Variants in MRTO4 observed in about 807,000 individuals in gnomAD.
MRTO4 encodes the protein mRNA turnover protein 4 homolog.
MRTO4 carries 7 observed loss-of-function variants against 28.6 expected under a neutral mutation model. That is an observed-to-expected ratio of 0.24 (90% CI 0.14 to 0.46). The LOEUF (loss-of-function observed/expected upper bound fraction) is 0.46. MRTO4 is among the 20% of genes least tolerant of loss of function. The pLI, the probability that MRTO4 is intolerant of heterozygous loss-of-function variation, is 0.99. For missense variants in MRTO4, 302 were observed against 298.3 expected (o/e 1.01, Z -0.09); for synonymous variants, 113 against 108.2 (o/e 1.04, Z -0.27).
At chr1:19,256,966 C>T in intron 3 of MRTO4, 98 bp from the exon 4 acceptor site, 1 of 1,184,914 alleles carries the variant, frequency 8.4e-7, no homozygotes, top group Non-Finnish European at 1.2e-6. Flanking sequence ...TCAGCCTGGG[C>T]CTGAGCTCAC....
intron 1 of MRTO4, among the ~76,000 whole-genome samples, chr1:19,254,391 C>G (rs1375404653): frequency 6.6e-6 from 1 of 151,008 alleles, no homozygotes; most frequent in Non-Finnish European, 1.5e-5. Flanking sequence ...AGTGAGACCC[C>G]ATGTCAAAAA....
At chr1:19,258,204 TAAAA>T (rs557311316) in intron 6 of MRTO4, among the ~76,000 whole-genome samples, 4 of 145,686 alleles carry the variant, frequency 2.7e-5, no homozygotes, top group African/African-American at 1.0e-4. Flanking sequence ...TGCGCTTGTT[TAAAA>T]AAAAAAAAAG....
At chr1:19,256,353 T>C (rs916426095) in intron 3 of MRTO4, among the ~76,000 whole-genome samples, 1 of 152,100 alleles carries the variant, frequency 6.6e-6, no homozygotes, top group Non-Finnish European at 1.5e-5. Flanking sequence ...CCTTCTCTAC[T>C]GAAAATACAA....
chr1:19,258,769 A>G lies in MRTO4; in HGVS notation c.659A>G (p.Asp220Gly), dbSNP rs753620362. 6.2e-7 allele frequency: 1 copy of G among 1,614,170 alleles called. No individual in the cohort carries two copies. Among genetic ancestry groups the G allele is most frequent in the South Asian group, 1.1e-5 (1 of 91,080 alleles). Residue 220 changes from aspartate to glycine, a missense_variant, in exon 8 of 8, where the codon GAC becomes GGC. By Grantham distance (94) the Asp-to-Gly change is moderately conservative. Transcript: ENST00000330263. ...TCGGGAAGGTTCCAGCAGATGGGAGACGACTTGCCAGAGAGCGCATCTGAG... is the reference window on the plus strand; with the variant it reads ...TCGGGAAGGTTCCAGCAGATGGGAGGCGACTTGCCAGAGAGCGCATCTGAG... Reference protein sequence around the residue: ...SQSGRFQQMGDDLPESASEST... With the variant: ...SQSGRFQQMGGDLPESASEST...
At chr1:19,255,592 G>C (rs1013507844) in intron 2 of MRTO4, among the ~76,000 whole-genome samples, 1 of 152,314 alleles carries the variant, frequency 6.6e-6, no homozygotes, top group East Asian at 1.9e-4. Flanking sequence ...GAGCAGTACC[G>C]ATCAGCTGCC....
Position 19,252,308 on chromosome 1 carries a change from C to T in MRTO4, c.28+445C>T, listed in dbSNP as rs374015404. 15 of 206,714 alleles carry T rather than the reference C, an allele frequency of 7.3e-5. No homozygotes were observed. In the East Asian group the frequency reaches 1.8e-3, roughly 25 times the overall value. The allele number at this position is 206,714 out of a possible 1,614,324, so 12.8% of individuals were successfully genotyped here. Reference sequence around the variant, plus strand: ...TTGTTTCTGCCTGGCATGCTTACATCTTCGTATGGTTTGCGCCTTCTTAGT... The same window carrying T: ...TTGTTTCTGCCTGGCATGCTTACATTTTCGTATGGTTTGCGCCTTCTTAGT... On this transcript the variant is annotated intron_variant, in intron 1 of 7. Coordinates refer to ENST00000330263, the MANE Select transcript of MRTO4 (RefSeq NM_016183.4).
chr1:19,253,956 G>A (rs1027763778), intron 1 of MRTO4, among the ~76,000 whole-genome samples: 1 of 152,182 alleles, frequency 6.6e-6, no homozygotes, highest in Non-Finnish European at 1.5e-5. Context: ...CCCCAGAGAG[G>A]TGTTGCTGCG....
At chr1:19,252,234 C>G (rs2093662659) in intron 1 of MRTO4, 1 of 328,952 alleles carries the variant, frequency 3.0e-6, no homozygotes, top group African/African-American at 2.2e-5. Flanking sequence ...CTGCCTTTCC[C>G]TTCTTTCAGC....
rs752147532 is a variant in MRTO4 at position 19,257,159 on chromosome 1, C to T, written c.273+14C>T. On this transcript the variant is annotated intron_variant, in intron 4 of 7. Coordinates refer to ENST00000330263, the MANE Select transcript of MRTO4 (RefSeq NM_016183.4). Reference sequence around the variant, plus strand: ...AACCTGCACCAGGTAAGTCTCTGGCCCTCACGGGGTGGAGCTAAGGCAAAG... The same window carrying T: ...AACCTGCACCAGGTAAGTCTCTGGCTCTCACGGGGTGGAGCTAAGGCAAAG... 6.2e-6 allele frequency: 10 copies of T among 1,613,296 alleles called. No individual in the cohort carries two copies. The highest frequency in any genetic ancestry group is 1.7e-4 in the Middle Eastern group (1 of 6,022).
At chr1:19,257,233 G>C (rs1241103549) in intron 4 of MRTO4, 88 bp downstream of exon 4, 1 of 1,430,754 alleles carries the variant, frequency 7.0e-7, no homozygotes. Flanking sequence ...CCAGCCATTG[G>C]CAGGCCGGAG....
At chr1:19,255,592 G>A (rs1013507844) in intron 2 of MRTO4, among the ~76,000 whole-genome samples, 1 of 152,196 alleles carries the variant, frequency 6.6e-6, no homozygotes, top group African/African-American at 2.4e-5. Context: ...GAGCAGTACC[G>A]ATCAGCTGCC....
In MRTO4 at chr1:19,256,050, C is replaced by T. The variant is rs563261309; in HGVS notation, c.190C>T (p.Arg64Trp). ...CATCCGGAACGCCTGGAAGCACAGC[C>T]GGTGAGCGGGCAGGGGGAGGAAGGC... The part of the protein sequence containing the change: ...KDIRNAWKHS[R>W]MFFGKNKVMM... Residue 64 changes from arginine (R) to tryptophan (W), a missense_variant and splice_region_variant, in exon 3 of 8, where the codon CGG (arginine) becomes TGG (tryptophan). Arg to Trp is a moderately radical substitution (Grantham distance 101, BLOSUM62 -3). Transcript: ENST00000330263. 9.9e-6 allele frequency: 16 copies of T among 1,613,972 alleles called. No homozygotes were observed. The highest frequency in any genetic ancestry group is 1.6e-4 in the Middle Eastern group (1 of 6,062).
At chr1:19,255,888 C>T in intron 2 of MRTO4, 60 bp from the exon 3 acceptor site, 1 of 1,410,048 alleles carries the variant, frequency 7.1e-7, no homozygotes, top group South Asian at 1.2e-5. Context: ...CATCTGAGGC[C>T]AGAGTAGTGC....
rs2093675908 is a variant in MRTO4, at chr1:19,258,899, C to T, written c.*69C>T. ...ACTGGACCATCAGGACTGCTGCCGC[C>T]CCTCTGGAGAGAGCAGCTTTTTATT... On this transcript the variant is annotated 3_prime_UTR_variant, in exon 8 of 8. Transcript: ENST00000330263. The T allele has an allele frequency of 6.6e-7, 1 of 1,519,506 alleles. No homozygotes were observed. Among genetic ancestry groups the T allele is most frequent in the Non-Finnish European group, 8.8e-7 (1 of 1,130,406 alleles). The allele number at this position is 1,519,506 out of a possible 1,614,324, so 94.1% of individuals were successfully genotyped here.
intron 2 of MRTO4, 40 bp from the exon 3 acceptor site, chr1:19,255,908 G>A (rs375554028): frequency 1.3e-6 from 2 of 1,553,394 alleles, no homozygotes; most frequent in Non-Finnish European, 1.8e-6. Context: ...CCCGTTGTAT[G>A]CTGCTGCTTG....
In MRTO4 at chr1:19,251,834, C is replaced by A. The variant is rs753832007; in HGVS notation, c.-2C>A. On this transcript the variant is annotated 5_prime_UTR_variant, in exon 1 of 8. Transcript: ENST00000330263. ...TCTTCCGCCGCACGTGGATTCAGCGCGATGCCCAAATCCAAGCGCGACAAG... is the reference window on the plus strand; with the variant it reads ...TCTTCCGCCGCACGTGGATTCAGCGAGATGCCCAAATCCAAGCGCGACAAG... 6.3e-7 allele frequency: 1 copy of A among 1,583,364 alleles called. No homozygotes were observed. Among genetic ancestry groups the A allele is most frequent in the Non-Finnish European group, 8.6e-7 (1 of 1,165,658 alleles).
Position 19,259,001 on chromosome 1 carries a change from G to T in MRTO4, c.*171G>T, listed in dbSNP as rs1176525787. ...CTGTGGGCCGGGCGCGGTGGCTCAC[G>T]CCTGGAATCCCAGCACTTTGGGAAG... On this transcript the variant is annotated 3_prime_UTR_variant, in exon 8 of 8. Transcript: ENST00000330263. 2 of 801,790 alleles carry T rather than the reference G, an allele frequency of 2.5e-6. No homozygotes were observed. The highest frequency in any genetic ancestry group is 1.9e-6 in the Non-Finnish European group (1 of 530,494). The allele number at this position is 801,790 out of a possible 1,614,324, so 49.7% of individuals were successfully genotyped here.
In MRTO4 at chr1:19,253,161, A is replaced by T. The variant is rs563917892; in HGVS notation, c.28+1298A>T. The stretch of plus-strand genomic sequence containing the variant: ...ATCAGATTGAAAATGGGGTGAAGAG[A>T]TGTTGATATTTTGTATAGTGTGGTC... On this transcript the variant is annotated intron_variant, in intron 1 of 7. Coordinates refer to ENST00000330263, the MANE Select transcript of MRTO4 (RefSeq NM_016183.4). 5.2e-4 allele frequency among the ~76,000 whole-genome samples: 79 copies of T among 152,314 alleles called. 1 individual carries two copies. Among genetic ancestry groups the T allele is most frequent in the African/African-American group, 1.9e-3 (78 of 41,560 alleles).
In MRTO4 at chr1:19,258,948, G is replaced by A. The variant is rs1307644140; in HGVS notation, c.*118G>A. 8.1e-7 allele frequency: 1 copy of A among 1,231,078 alleles called. No individual in the cohort carries two copies. Among genetic ancestry groups the A allele is most frequent in the African/African-American group, 1.5e-5 (1 of 65,202 alleles). The allele number at this position is 1,231,078 out of a possible 1,614,324, so 76.3% of individuals were successfully genotyped here. On this transcript the variant is annotated 3_prime_UTR_variant, in exon 8 of 8. Coordinates refer to ENST00000330263, the MANE Select transcript of MRTO4 (RefSeq NM_016183.4). Reference sequence around the variant, plus strand: ...TTTGTCTGTAGACAGGGAACATGATGGGCACTGACCTCCTGTAAAGAATAA... The same window carrying A: ...TTTGTCTGTAGACAGGGAACATGATAGGCACTGACCTCCTGTAAAGAATAA...
Sources: allele counts gnomAD v4.1 joint callset (sites outside exome capture counted in the v4.1 genomes callset), GRCh38; gene constraint gnomAD v4.1.1; transcripts MANE v1.5; gene names NCBI Gene and HGNC (gene_info 2026-07-23, HGNC 2026-07-21).